CDK14: variants seen among roughly 807,000 people sequenced by gnomAD.
CDK14 encodes the protein cyclin-dependent kinase 14.
A neutral mutation model predicts 60.7 loss-of-function variants in CDK14; 34 were observed. The observed-to-expected ratio is 0.56, with a 90% CI of 0.43 to 0.75. The LOEUF (loss-of-function observed/expected upper bound fraction) is 0.75. Ranked by LOEUF, CDK14 falls within the 30% of genes least tolerant of loss-of-function variation. CDK14 has a pLI of 0.00. For missense variants in CDK14, 482 were observed against 564.1 expected, an observed-to-expected ratio of 0.85 and a Z score of 1.47; for synonymous variants, 197 against 203.7, an observed-to-expected ratio of 0.97 and a Z score of 0.28.
At chr7:90,912,897 C>G (rs951324348) in intron 7 of CDK14, among the ~76,000 whole-genome samples, 1 of 152,088 alleles carries the variant, frequency 6.6e-6, no homozygotes, top group Non-Finnish European at 1.5e-5. Flanking sequence ...CAGTTGTGAG[C>G]CACTGCCCCG....
At chr7:90,637,996 C>CCTCA in intron 2 of CDK14, among the ~76,000 whole-genome samples, 1 of 81,376 alleles carries the variant, frequency 1.2e-5, no homozygotes, top group African/African-American at 5.5e-5. Context: ...GGTAGATCTT[C>CCTCA]ATCCTTTTAT....
intron 9 of CDK14, among the ~76,000 whole-genome samples, chr7:90,960,388 T>A (rs1794565957): frequency 6.6e-6 from 1 of 152,102 alleles, no homozygotes; most frequent in Admixed American, 6.6e-5. Context: ...AATTAACATA[T>A]TAACTATGCT....
At chr7:91,043,973 T>G (rs553478989) in intron 10 of CDK14, among the ~76,000 whole-genome samples, 2 of 152,316 alleles carry the variant, frequency 1.3e-5, no homozygotes, top group East Asian at 3.9e-4. Context: ...TATTGCCTAG[T>G]AGTGCCTACA....
At chr7:90,683,206 C>G (rs1305242832) in intron 2 of CDK14, among the ~76,000 whole-genome samples, 1 of 152,048 alleles carries the variant, frequency 6.6e-6, no homozygotes, top group Non-Finnish European at 1.5e-5. Flanking sequence ...CGTGCAAGAT[C>G]CCCTATATTT....
intron 12 of CDK14, among the ~76,000 whole-genome samples, chr7:91,084,512 C>T (rs1216650204): frequency 6.6e-6 from 1 of 152,250 alleles, no homozygotes; most frequent in Admixed American, 6.5e-5. Context: ...CACACCCTAC[C>T]AGTGAGGTTT....
In CDK14 at chr7:91,028,867, T is replaced by G. The variant is rs142693153; in HGVS notation, c.1042-17030T>G. 2.6e-5 allele frequency among the ~76,000 whole-genome samples: 4 copies of G among 152,322 alleles called. No individual in the cohort carries two copies. The East Asian group carries it at 7.7e-4, about 29-fold the overall frequency. On this transcript the variant is annotated intron_variant, in intron 10 of 14. Transcript: ENST00000380050. ...TTAGTCCTTTGTTGGATGTATAGTTTATGACTATTTTCTCCCATTCCGTAG... is the reference window on the plus strand; with the variant it reads ...TTAGTCCTTTGTTGGATGTATAGTTGATGACTATTTTCTCCCATTCCGTAG...
At chr7:90,981,601 A>C (rs922034609) in intron 9 of CDK14, among the ~76,000 whole-genome samples, 1 of 152,200 alleles carries the variant, frequency 6.6e-6, no homozygotes, top group Non-Finnish European at 1.5e-5. Context: ...GAAGTAGGTC[A>C]CTTGGTCTTA....
At chr7:90,912,078 T>G (rs1187871883) in intron 7 of CDK14, among the ~76,000 whole-genome samples, 3 of 152,198 alleles carry the variant, frequency 2.0e-5, no homozygotes, top group Admixed American at 1.3e-4. Context: ...ATATTCAAAC[T>G]GGAATATAAA....
chr7:91,013,025 C>T (rs566502450), intron 10 of CDK14, among the ~76,000 whole-genome samples: 2 of 152,330 alleles, frequency 1.3e-5, no homozygotes, highest in South Asian at 4.1e-4. Context: ...TCTTCCAGCA[C>T]TGCTGAATAA....
intron 2 of CDK14, among the ~76,000 whole-genome samples, chr7:90,719,983 T>A (rs959362409): frequency 6.6e-6 from 1 of 152,240 alleles, no homozygotes; most frequent in Non-Finnish European, 1.5e-5. Context: ...TCTGGACCCA[T>A]GATTTGGGAA....
chr7:91,022,983 G>T (rs1355153309), intron 10 of CDK14, among the ~76,000 whole-genome samples: 1 of 150,764 alleles, frequency 6.6e-6, no homozygotes, highest in African/African-American at 2.4e-5. Context: ...AAACTCTTTG[G>T]GCTTCAATAT....
chr7:90,904,524 G>A (rs1792629426), intron 7 of CDK14, among the ~76,000 whole-genome samples: 1 of 151,828 alleles, frequency 6.6e-6, no homozygotes, highest in Admixed American at 6.6e-5. Flanking sequence ...ATAAAATCAT[G>A]GGAGACAAAA....
At chr7:90,705,882 A>C (rs532166612) in intron 2 of CDK14, among the ~76,000 whole-genome samples, 1 of 152,186 alleles carries the variant, frequency 6.6e-6, no homozygotes, top group South Asian at 2.1e-4. Context: ...GCTGCTGCTG[A>C]TGTTTATAAT....
chr7:90,929,352 C>A (rs186244084), intron 8 of CDK14, among the ~76,000 whole-genome samples: 2 of 152,212 alleles, frequency 1.3e-5, no homozygotes, highest in Admixed American at 1.3e-4. Flanking sequence ...CCTCTGGAAC[C>A]TGTTTTAAAT....
chr7:90,905,421 G>T (rs1257630868), intron 7 of CDK14, among the ~76,000 whole-genome samples: 1 of 152,114 alleles, frequency 6.6e-6, no homozygotes, highest in East Asian at 1.9e-4. Context: ...AAATTTTTGT[G>T]CAGGGGAAAG....
At chr7:91,127,713 A>G (rs1799996243) in intron 14 of CDK14, among the ~76,000 whole-genome samples, 2 of 152,122 alleles carry the variant, frequency 1.3e-5, no homozygotes, top group Admixed American at 6.6e-5. Context: ...TGCTGCCTAC[A>G]TGTCAATTCA....
chr7:90,896,395 A>G (rs1222710445), intron 6 of CDK14, among the ~76,000 whole-genome samples: 2 of 152,048 alleles, frequency 1.3e-5, no homozygotes, highest in Non-Finnish European at 2.9e-5. Context: ...TTAAAACACC[A>G]TTGATTGGAA....
intron 2 of CDK14, among the ~76,000 whole-genome samples, chr7:90,713,571 G>T (rs1332104028): frequency 1.3e-5 from 2 of 151,190 alleles, no homozygotes; most frequent in Non-Finnish European, 2.9e-5. Flanking sequence ...AGAGAGGGAA[G>T]ATGGGCCAGA....
At chr7:91,139,030 C>A (rs549729268) in intron 14 of CDK14, among the ~76,000 whole-genome samples, 4 of 152,122 alleles carry the variant, frequency 2.6e-5, no homozygotes, top group Non-Finnish European at 5.9e-5. Flanking sequence ...CAACTCCTTG[C>A]GAAGAGAATC....
Sources: gnomAD v4.1 joint callset for allele counts (sites outside exome capture counted in the v4.1 genomes callset) on GRCh38, gnomAD v4.1.1 for gene constraint, MANE v1.5 for transcripts, NCBI Gene and HGNC (gene_info 2026-07-23, HGNC 2026-07-21) for gene names.